The following UGT2A2 variants were observed in gnomAD, a reference collection of about 807,000 sequenced individuals.
UGT2A2 encodes UDP-glucuronosyltransferase 2A2.
Under a neutral mutation model 50.7 loss-of-function variants are expected in UGT2A2, and 60 were observed. The observed-to-expected ratio is 1.18, with a 90% CI of 0.96 to 1.47. UGT2A2 has a LOEUF of 1.47. UGT2A2 is among the 40% of genes most tolerant of loss of function. The pLI, the probability that UGT2A2 is intolerant of heterozygous loss-of-function variation, is 0.00. For missense variants in UGT2A2, 762 were observed against 634.0 expected (o/e 1.20, Z -2.17); for synonymous variants, 242 against 214.6 (o/e 1.13, Z -1.11).
chr4:69,634,111 G>A (rs1310922691), intron 1 of UGT2A2, among the ~76,000 whole-genome samples: 1 of 152,040 alleles, frequency 6.6e-6, no homozygotes, highest in Non-Finnish European at 1.5e-5. Flanking sequence ...CGGGCTTGGT[G>A]ACCGGCGCCT....
At chr4:69,616,133 C>T (rs542910003) in intron 1 of UGT2A2, among the ~76,000 whole-genome samples, 3 of 151,904 alleles carry the variant, frequency 2.0e-5, no homozygotes, top group South Asian at 4.2e-4. Flanking sequence ...GACAAATATG[C>T]CGTGTTTTCA....
chr4:69,607,446 G>T (rs1183697852), intron 1 of UGT2A2, among the ~76,000 whole-genome samples: 5 of 151,890 alleles, frequency 3.3e-5, no homozygotes, highest in Non-Finnish European at 7.4e-5. Flanking sequence ...TTACATGTTA[G>T]ACCTAAAACC....
In UGT2A2 at chr4:69,589,486, A is replaced by G; in HGVS notation, c.1497T>C (p.Asp499=). 1 of 1,614,104 alleles carries G rather than the reference A, an allele frequency of 6.2e-7. No individual in the cohort carries two copies. The highest frequency in any genetic ancestry group is 1.1e-5 in the South Asian group (1 of 91,080). ...CACAGACCAGCAAGAACCCAATTAC[A>G]TCCAAAGAGTGGTACTGGAACCAGG... ...DLTWFQYHSL[D]VIGFLLVCVT... The change falls in exon 6 of 6, where the codon GAT becomes GAC. Residue 499 remains aspartate, a synonymous_variant. Coordinates refer to ENST00000604629, the MANE Select transcript of UGT2A2 (RefSeq NM_001105677.2).
chr4:69,588,429 T>C lies in UGT2A2; in HGVS notation c.*943A>G, dbSNP rs1718376593. 6.6e-6 allele frequency: 1 copy of C among 152,114 alleles called. No homozygotes were observed. The highest frequency in any genetic ancestry group is 1.5e-5 in the Non-Finnish European group (1 of 67,982). 9.4% of individuals were successfully genotyped at this position (152,114 alleles called of 1,614,324 possible). A position where few individuals can be genotyped will look rare whatever the true frequency, so the allele number is the denominator to read the frequency against. ...TAATGCAATGATATCAAATTCCAAGTAAGCATTTTTTATTTTTTGGCATAA... is the reference window on the plus strand; with the variant it reads ...TAATGCAATGATATCAAATTCCAAGCAAGCATTTTTTATTTTTTGGCATAA... On this transcript the variant is annotated 3_prime_UTR_variant, in exon 6 of 6. Coordinates refer to ENST00000604629, the MANE Select transcript of UGT2A2 (RefSeq NM_001105677.2).
At chr4:69,623,563 C>T (rs28528833) in intron 1 of UGT2A2, among the ~76,000 whole-genome samples, 52,741 of 150,464 alleles carry the variant, frequency 0.35, 9,539 homozygotes, top group African/African-American at 0.43. Flanking sequence ...TAATATTTTA[C>T]ATTATTTAAT....
At chr4:69,618,427 C>T (rs1004301413) in intron 1 of UGT2A2, among the ~76,000 whole-genome samples, 1 of 151,790 alleles carries the variant, frequency 6.6e-6, no homozygotes, top group Admixed American at 6.6e-5. Flanking sequence ...ATTTAAAAAG[C>T]ACAAAAATGT....
chr4:69,639,584 A>G lies in UGT2A2; in HGVS notation c.57T>C (p.Phe19=), dbSNP rs1260417506. The G allele has an allele frequency of 1.2e-6, 2 of 1,610,094 alleles. No individual in the cohort carries two copies. The highest frequency in any genetic ancestry group is 2.2e-5 in the East Asian group (1 of 44,836). The stretch of plus-strand genomic sequence containing the variant: ...GAACAACTTCAGTCAGAGTCAAATT[A>G]AAAACCAGCATCTGGACAAACTTCT... The part of the protein sequence containing the change: ...MPKKFVQMLV[F]NLTLTEVVLS... The change falls in exon 1 of 6, where the codon TTT becomes TTC. Residue 19 remains phenylalanine, a synonymous_variant. Transcript: ENST00000604629.
intron 2 of UGT2A2, among the ~76,000 whole-genome samples, chr4:69,598,710 G>GT (rs4148317): frequency 3.9e-4 from 58 of 149,138 alleles, no homozygotes; most frequent in East Asian, 3.0e-3. Flanking sequence ...ACTCAAAAGA[G>GT]TTTTTTTTTT....
chr4:69,625,312 A>G (rs998319442), intron 1 of UGT2A2, among the ~76,000 whole-genome samples: 20 of 150,632 alleles, frequency 1.3e-4, no homozygotes, highest in African/African-American at 4.9e-4. Flanking sequence ...TCTTGGATCT[A>G]TTTGTATATG....
chr4:69,589,145 C>A lies in UGT2A2; in HGVS notation c.*227G>T. The stretch of plus-strand genomic sequence containing the variant: ...AGTGACAGGAAGAGGGTATAGTCAG[C>A]AGGGAGAGACAAAGGAAAAATAGAA... On this transcript the variant is annotated 3_prime_UTR_variant, in exon 6 of 6. Coordinates refer to ENST00000604629, the MANE Select transcript of UGT2A2 (RefSeq NM_001105677.2). 2.4e-6 allele frequency: 1 copy of A among 424,002 alleles called. No homozygotes were observed. Among genetic ancestry groups the A allele is most frequent in the Admixed American group, 4.1e-5 (1 of 24,320 alleles). The allele number at this position is 424,002 out of a possible 1,614,324, so 26.3% of individuals were successfully genotyped here.
chr4:69,595,359 C>A, intron 3 of UGT2A2, 110 bp from the exon 4 acceptor site: 1 of 1,276,814 alleles, frequency 7.8e-7, no homozygotes, highest in Non-Finnish European at 1.1e-6. Flanking sequence ...ACGGGAATTA[C>A]ATAAGCAGTA....
chr4:69,630,017 G>A (rs1721297413), intron 1 of UGT2A2, among the ~76,000 whole-genome samples: 1 of 151,830 alleles, frequency 6.6e-6, no homozygotes, highest in Non-Finnish European at 1.5e-5. Flanking sequence ...AATACCACAT[G>A]AAAAATAATT....
intron 1 of UGT2A2, among the ~76,000 whole-genome samples, chr4:69,636,955 C>T (rs1186393034): frequency 2.0e-5 from 3 of 152,104 alleles, no homozygotes; most frequent in Non-Finnish European, 4.4e-5. Context: ...GGACCCTTCA[C>T]CTTGTTACTT....
intron 1 of UGT2A2, among the ~76,000 whole-genome samples, chr4:69,611,384 A>T (rs1171332160): frequency 1.3e-5 from 2 of 151,828 alleles, no homozygotes; most frequent in African/African-American, 4.8e-5. Flanking sequence ...AAGAAAATAG[A>T]GGTAACATTA....
chr4:69,602,284 CA>C (rs1222371136), intron 1 of UGT2A2, among the ~76,000 whole-genome samples: 2 of 136,504 alleles, frequency 1.5e-5, no homozygotes, highest in African/African-American at 3.0e-5. Context: ...TTTACACCAA[CA>C]AAGGCACTCC....
intron 2 of UGT2A2, 38 bp from the exon 3 acceptor site, chr4:69,596,419 C>T (rs1191209713): frequency 1.4e-6 from 2 of 1,453,328 alleles, no homozygotes; most frequent in South Asian, 3.1e-5. Context: ...AAAGGTGTAG[C>T]ATCATAAGAA....
At chr4:69,589,689 T>C (rs1042074422) in intron 5 of UGT2A2, 38 bp from the exon 6 acceptor site, 8 of 1,562,370 alleles carry the variant, frequency 5.1e-6, no homozygotes, top group East Asian at 2.3e-5. Context: ...TAGACAATTT[T>C]TGTTTTTATT....
At position 69,605,600 on chromosome 4, in the gene UGT2A2, C is replaced by CA. The variant is rs1282315513; in HGVS notation, c.743-6207dup. On this transcript the variant is annotated intron_variant, in intron 1 of 5. Coordinates refer to ENST00000604629, the MANE Select transcript of UGT2A2 (RefSeq NM_001105677.2). ...AGCAGAACTGAAGGAAATAGAGACA[C>CA]AAAAAACCCTTTAAAAAATCAATGA... is the stretch of plus-strand genomic sequence containing the variant. Among the ~76,000 whole-genome samples, 2 of 136,002 alleles carry CA rather than the reference C, an allele frequency of 1.5e-5. 1 individual carries two copies. Among genetic ancestry groups the CA allele is most frequent in the Non-Finnish European group, 3.1e-5 (2 of 64,076 alleles). The allele number at this position is 136,002 out of a possible 152,430, so 89.2% of individuals were successfully genotyped here. A position where few individuals can be genotyped will look rare whatever the true frequency, so the allele number is the denominator to read the frequency against.
At chr4:69,615,881 C>T (rs1720350717) in intron 1 of UGT2A2, among the ~76,000 whole-genome samples, 1 of 151,944 alleles carries the variant, frequency 6.6e-6, no homozygotes. Flanking sequence ...ATAAAACTAC[C>T]ATATGATCCG....
Sources: gnomAD v4.1 joint callset for allele counts (sites outside exome capture counted in the v4.1 genomes callset) on GRCh38, gnomAD v4.1.1 for gene constraint, MANE v1.5 for transcripts, NCBI Gene and HGNC (gene_info 2026-07-23, HGNC 2026-07-21) for gene names.